ANK2: variants seen among roughly 807,000 people sequenced by gnomAD.
ANK2 encodes ankyrin 2.
ANK2 carries 83 observed loss-of-function variants against 360.5 expected under a neutral mutation model. The ratio of observed to expected loss-of-function variants is 0.23; its 90% CI spans 0.19 to 0.28. The LOEUF (loss-of-function observed/expected upper bound fraction) is 0.28, where lower values mean the gene tolerates loss of function less well. Among genes scored for constraint, ANK2 ranks in the 10% least tolerant of loss-of-function variants. The pLI is 1.00. For synonymous variants in ANK2, 1,740 were observed against 1,759.5 expected (o/e 0.99, Z 0.28); for missense variants, 4,201 against 4,795.7 (o/e 0.88, Z 3.66).
At chr4:112,720,023 T>G in the ANK2 span, among the ~76,000 whole-genome samples, 1 of 152,158 alleles carries the variant, frequency 6.6e-6, no homozygotes, top group Admixed American at 6.5e-5. Context: ...TAAAGAGCTG[T>G]ACTTATTATC....
At chr4:113,110,636 G>A (rs576733387) in intron 1 of ANK2, among the ~76,000 whole-genome samples, 1 of 152,124 alleles carries the variant, frequency 6.6e-6, no homozygotes, top group Non-Finnish European at 1.5e-5. Context: ...TTTTCACCAG[G>A]TGAAAAATGA....
intron 1 of ANK2, among the ~76,000 whole-genome samples, chr4:113,122,941 A>C (rs2095454152): frequency 6.6e-6 from 1 of 151,108 alleles, no homozygotes; most frequent in Non-Finnish European, 1.5e-5. Flanking sequence ...TTAATTATAA[A>C]GAACTTCTTT....
intron 2 of ANK2, among the ~76,000 whole-genome samples, chr4:112,943,813 G>A (rs904121302): frequency 6.6e-6 from 1 of 152,014 alleles, no homozygotes; most frequent in Non-Finnish European, 1.5e-5. Flanking sequence ...AGAGGGTAAG[G>A]GTAGTGGGAA....
At chr4:113,100,117 A>C (rs553654010) in intron 1 of ANK2, among the ~76,000 whole-genome samples, 1 of 152,222 alleles carries the variant, frequency 6.6e-6, no homozygotes, top group South Asian at 2.1e-4. Flanking sequence ...ACAAAAATTG[A>C]TAAGTTGGGC....
At chr4:112,847,836 T>G (rs1579598931) in intron 1 of ANK2, among the ~76,000 whole-genome samples, 1 of 152,346 alleles carries the variant, frequency 6.6e-6, no homozygotes, top group South Asian at 2.1e-4. Flanking sequence ...TAGAAGGCCC[T>G]TCACAGTCTA....
the ANK2 span, among the ~76,000 whole-genome samples, chr4:112,754,270 A>G: frequency 6.6e-6 from 1 of 151,156 alleles, no homozygotes; most frequent in African/African-American, 2.4e-5. Context: ...TGGCATAGTA[A>G]TTAGTCCCTA....
At chr4:113,288,038 T>C (rs778442804) in intron 19 of ANK2, among the ~76,000 whole-genome samples, 2 of 152,188 alleles carry the variant, frequency 1.3e-5, no homozygotes, top group Non-Finnish European at 2.9e-5. Flanking sequence ...GGTCTGGAAA[T>C]GGATTTTCCC....
intron 1 of ANK2, among the ~76,000 whole-genome samples, chr4:112,852,790 A>T (rs1579725606): frequency 6.6e-6 from 1 of 152,342 alleles, no homozygotes; most frequent in Middle Eastern, 3.4e-3. Context: ...ACAGGAAAAA[A>T]ATGTTCTCAA....
chr4:113,126,593 C>T (rs769931197), intron 1 of ANK2, among the ~76,000 whole-genome samples: 9 of 151,950 alleles, frequency 5.9e-5, no homozygotes, highest in African/African-American at 1.5e-4. Context: ...CTGTGGGCTC[C>T]GAGGGACAGG....
chr4:113,171,120 T>C (rs1353804767), intron 1 of ANK2, among the ~76,000 whole-genome samples: 1 of 152,212 alleles, frequency 6.6e-6, no homozygotes, highest in African/African-American at 2.4e-5. Context: ...AAACAGTCTA[T>C]TTTAAAAGCA....
At chr4:113,152,848 C>T (rs2154397013) in intron 1 of ANK2, among the ~76,000 whole-genome samples, 1 of 152,008 alleles carries the variant, frequency 6.6e-6, no homozygotes, top group South Asian at 2.1e-4. Flanking sequence ...GTACAGTGAG[C>T]CTTGATTGTA....
chr4:113,101,995 G>C (rs1000875734), intron 1 of ANK2, among the ~76,000 whole-genome samples: 9 of 152,108 alleles, frequency 5.9e-5, no homozygotes, highest in Non-Finnish European at 1.3e-4. Context: ...AAGCAAAGAG[G>C]GTCCAGCTCA....
intron 1 of ANK2, among the ~76,000 whole-genome samples, chr4:113,134,435 T>G (rs2096270653): frequency 1.3e-5 from 2 of 151,960 alleles, no homozygotes; most frequent in Admixed American, 1.3e-4. Context: ...ATGCCTCTTG[T>G]GCTCTGCTGA....
chr4:113,340,767 T>A (rs570477295), intron 32 of ANK2, among the ~76,000 whole-genome samples: 6 of 149,116 alleles, frequency 4.0e-5, no homozygotes, highest in African/African-American at 1.5e-4. Flanking sequence ...TTGCCAACAC[T>A]TTATAAAAGG....
At chr4:113,378,693 A>T (rs1031180248) in intron 45 of ANK2, among the ~76,000 whole-genome samples, 4 of 152,236 alleles carry the variant, frequency 2.6e-5, no homozygotes, top group African/African-American at 9.6e-5. Context: ...ATACCTAGCG[A>T]TGCTGAAACC....
chr4:113,355,987 C>T lies in ANK2; in HGVS notation c.7369C>T (p.Pro2457Ser). The T allele has an allele frequency of 6.2e-7, 1 of 1,614,110 alleles. No homozygotes were observed. Among genetic ancestry groups the T allele is most frequent in the South Asian group, 1.1e-5 (1 of 91,074 alleles). ...ACACAAAACCCCTGATTCTCTGGAG[C>T]CAAGTCCTCTGAAAGAATCCCCTTG... ...SSHKTPDSLE[P>S]SPLKESPCRD... Residue 2457 changes from proline to serine, a missense_variant, in exon 38 of 46, where the codon CCA becomes TCA. This residue lies in a region of ANK2 where 2,642 missense variants were observed against 2,714.5 expected (regional missense o/e 0.97). Transcript: ENST00000357077.
chr4:113,135,302 A>G (rs1053715052), intron 1 of ANK2, among the ~76,000 whole-genome samples: 5 of 152,200 alleles, frequency 3.3e-5, no homozygotes, highest in African/African-American at 9.7e-5. Flanking sequence ...AGGTAATTAA[A>G]GTAAAGTGAT....
intron 1 of ANK2, among the ~76,000 whole-genome samples, chr4:113,112,541 T>A (rs1013022474): frequency 2.6e-5 from 4 of 152,162 alleles, no homozygotes; most frequent in Non-Finnish European, 4.4e-5. Context: ...CTGCCTGTAA[T>A]CCCCAGACTT....
intron 1 of ANK2, among the ~76,000 whole-genome samples, chr4:112,862,796 C>A (rs187996000): frequency 1.6e-3 from 241 of 151,848 alleles, no homozygotes; most frequent in African/African-American, 5.2e-3. Flanking sequence ...TGTGCATGCA[C>A]CTGTATTCTC....
Sources: allele counts gnomAD v4.1 joint callset (sites outside exome capture counted in the v4.1 genomes callset), GRCh38; gene constraint gnomAD v4.1.1; regional missense constraint gnomAD v4.1.1; transcripts MANE v1.5; gene names NCBI Gene and HGNC (gene_info 2026-07-23, HGNC 2026-07-21).